DLGAP2: variants seen among roughly 807,000 people sequenced by gnomAD.
The protein encoded by DLGAP2 is DLG associated protein 2.
In DLGAP2, 26 loss-of-function variants were observed where a neutral mutation model predicts 100.3. That is an observed-to-expected ratio of 0.26 (90% CI 0.19 to 0.36). DLGAP2 has a LOEUF of 0.36. DLGAP2 is among the 10% of genes least tolerant of loss of function. DLGAP2 has a pLI of 1.00. For synonymous variants in DLGAP2, 886 were observed against 630.1 expected (o/e 1.41, Z -6.08); for missense variants, 1,858 against 1,453.2 (o/e 1.28, Z -4.53).
chr8:1,672,772 C>T (rs1798722919), intron 10 of DLGAP2, among the ~76,000 whole-genome samples: 1 of 152,242 alleles, frequency 6.6e-6, no homozygotes, highest in African/African-American at 2.4e-5. Context: ...CGGCCACTCA[C>T]CTGTAGCTCT....
At chr8:1,283,826 C>T (rs1396788726) in intron 3 of DLGAP2, among the ~76,000 whole-genome samples, 1 of 152,142 alleles carries the variant, frequency 6.6e-6, no homozygotes, top group Non-Finnish European at 1.5e-5. Context: ...TAAGCACTAC[C>T]ACACTTAAAG....
chr8:1,284,293 T>A (rs1251111615), intron 3 of DLGAP2, among the ~76,000 whole-genome samples: 1 of 152,146 alleles, frequency 6.6e-6, no homozygotes, highest in African/African-American at 2.4e-5. Flanking sequence ...GTGCTGAAGA[T>A]GATGGAAGGC....
chr8:1,445,629 G>A (rs1402416906), intron 3 of DLGAP2, among the ~76,000 whole-genome samples: 1 of 152,072 alleles, frequency 6.6e-6, no homozygotes, highest in Admixed American at 6.5e-5. Flanking sequence ...TGGGTCAAAT[G>A]GTATTTCTAG....
Position 1,287,157 on chromosome 8 carries a change from T to TGTGTGTGC in DLGAP2, c.106+28275_106+28276insTGTGTGCG, listed in dbSNP as rs1315463950. 6.7e-3 allele frequency among the ~76,000 whole-genome samples: 670 copies of TGTGTGTGC among 99,498 alleles called. 20 individuals are homozygous for TGTGTGTGC. The highest frequency in any genetic ancestry group is 0.02 in the African/African-American group (617 of 30,864). 65.3% of individuals were successfully genotyped at this position (99,498 alleles called of 152,430 possible). On this transcript the variant is annotated intron_variant, in intron 3 of 14. Transcript: ENST00000637795. ...GTGTGTGTGTGTGTGTGTGTGTGTG[T>TGTGTGTGC]GCGCGCGCGCGCGTGGTTCTGTTAG...
At chr8:1,371,169 C>G (rs1239766401) in intron 3 of DLGAP2, among the ~76,000 whole-genome samples, 1 of 152,246 alleles carries the variant, frequency 6.6e-6, no homozygotes, top group Non-Finnish European at 1.5e-5. Flanking sequence ...ACACGTCTTT[C>G]TTTTGCCTCC....
At chr8:1,095,076 G>A (rs535734911) in intron 2 of DLGAP2, among the ~76,000 whole-genome samples, 1 of 141,204 alleles carries the variant, frequency 7.1e-6, no homozygotes, top group South Asian at 2.4e-4. Flanking sequence ...CCTTCCCAGG[G>A]TGGAGTGAGA....
chr8:1,132,449 G>A lies in DLGAP2; in HGVS notation c.74-126402G>A, dbSNP rs568493279. The stretch of plus-strand genomic sequence containing the variant: ...TGGGTGGTTAAAAGAGGAGTGCAAG[G>A]TTAAGAATCAACTAAATAATTAAAA... On this transcript the variant is annotated intron_variant, in intron 2 of 14. Coordinates refer to ENST00000637795, the MANE Select transcript of DLGAP2 (RefSeq NM_001346810.2). Among the ~76,000 whole-genome samples the A allele has an allele frequency of 3.3e-5, 5 of 152,276 alleles. No homozygotes were observed. The East Asian group carries it at 9.6e-4, about 29-fold the overall frequency.
At position 1,601,767 on chromosome 8, in the gene DLGAP2, G is replaced by A. The variant is rs777909153; in HGVS notation, c.1443-24973G>A. 5.3e-5 allele frequency among the ~76,000 whole-genome samples: 8 copies of A among 152,126 alleles called. No individual in the cohort carries two copies. The East Asian group carries it at 5.8e-4, about 11-fold the overall frequency. On this transcript the variant is annotated intron_variant, in intron 6 of 14. Transcript: ENST00000637795. ...TTCCTCAAATGCTCAGAGCTCTCTC[G>A]TAGCTTAGGGTCTTTGGAGTTGCTG...
chr8:1,567,932 A>T (rs1182048492), intron 6 of DLGAP2, among the ~76,000 whole-genome samples: 1 of 152,212 alleles, frequency 6.6e-6, no homozygotes, highest in Non-Finnish European at 1.5e-5. Flanking sequence ...ATCTGATCAG[A>T]TGTGAGGAAA....
At chr8:827,602 G>A (rs1364157467) in intron 1 of DLGAP2, among the ~76,000 whole-genome samples, 1 of 152,156 alleles carries the variant, frequency 6.6e-6, no homozygotes, top group Non-Finnish European at 1.5e-5. Context: ...GCATAAGAAC[G>A]ACTGCATTTT....
chr8:1,338,582 AT>A (rs1193425068), intron 3 of DLGAP2, among the ~76,000 whole-genome samples: 1 of 152,254 alleles, frequency 6.6e-6, no homozygotes, highest in African/African-American at 2.4e-5. Context: ...CTTTGTGAAT[AT>A]ATAAAACCAC....
intron 1 of DLGAP2, among the ~76,000 whole-genome samples, chr8:839,932 C>G (rs1796950269): frequency 6.6e-6 from 1 of 151,884 alleles, no homozygotes. Context: ...AGCGCATCTA[C>G]ACGGTGCACA....
intron 4 of DLGAP2, among the ~76,000 whole-genome samples, chr8:1,518,886 T>A (rs1800487974): frequency 6.6e-6 from 1 of 152,336 alleles, no homozygotes; most frequent in East Asian, 1.9e-4. Context: ...GGATATTTAG[T>A]AAAACACATT....
intron 2 of DLGAP2, among the ~76,000 whole-genome samples, chr8:1,242,317 G>T (rs1426881022): frequency 6.6e-6 from 1 of 152,186 alleles, no homozygotes; most frequent in Admixed American, 6.5e-5. Flanking sequence ...GGCAGGGCGG[G>T]GTTCTGGAGG....
intron 3 of DLGAP2, among the ~76,000 whole-genome samples, chr8:1,472,150 G>C (rs139977106): frequency 2.1e-4 from 32 of 152,358 alleles, no homozygotes; most frequent in Non-Finnish European, 4.1e-4. Context: ...AGGACATGCA[G>C]AGCTCAGACG....
At chr8:1,618,830 A>C (rs1204928383) in intron 6 of DLGAP2, among the ~76,000 whole-genome samples, 1 of 152,128 alleles carries the variant, frequency 6.6e-6, no homozygotes, top group Non-Finnish European at 1.5e-5. Context: ...CCCTCTGTGC[A>C]CTGTAGGATC....
chr8:1,119,894 G>T (rs754261396), intron 2 of DLGAP2, among the ~76,000 whole-genome samples: 1 of 152,134 alleles, frequency 6.6e-6, no homozygotes, highest in Non-Finnish European at 1.5e-5. Flanking sequence ...TTCTGCTTTA[G>T]GGACTTCTCA....
intron 2 of DLGAP2, among the ~76,000 whole-genome samples, chr8:1,049,165 C>T (rs1255980833): frequency 6.6e-6 from 1 of 152,154 alleles, no homozygotes; most frequent in Non-Finnish European, 1.5e-5. Context: ...TGTCTCTGAG[C>T]CTCGATTCCA....
chr8:882,976 CACTG>C (rs553188402), intron 1 of DLGAP2, among the ~76,000 whole-genome samples: 12 of 152,352 alleles, frequency 7.9e-5, no homozygotes, highest in African/African-American at 2.9e-4. Context: ...TTGTTGGTGA[CACTG>C]ACAAGCTTTG....
Sources: gnomAD v4.1 joint callset for allele counts (sites outside exome capture counted in the v4.1 genomes callset) on GRCh38, gnomAD v4.1.1 for gene constraint, MANE v1.5 for transcripts, NCBI Gene and HGNC (gene_info 2026-07-23, HGNC 2026-07-21) for gene names.